The following CELF2 variants were observed in gnomAD, a reference collection of about 807,000 sequenced individuals.
CELF2 encodes CUG triplet repeat RNA-binding protein 2.
In CELF2, 8 loss-of-function variants were observed where a neutral mutation model predicts 62.6. That is an observed-to-expected ratio of 0.13 (90% CI 0.07 to 0.23). CELF2 has a LOEUF of 0.23. CELF2 is among the 10% of genes least tolerant of loss of function. The pLI is 1.00. For missense variants in CELF2, 333 were observed against 671.0 expected, an observed-to-expected ratio of 0.50 and a Z score of 5.56; for synonymous variants, 258 against 250.0, an observed-to-expected ratio of 1.03 and a Z score of -0.30.
the CELF2 span, among the ~76,000 whole-genome samples, chr10:10,582,240 G>C: frequency 6.6e-6 from 1 of 152,218 alleles, no homozygotes; most frequent in Middle Eastern, 3.4e-3. Flanking sequence ...ACTAGTTTAT[G>C]TCAGTATTTT....
At chr10:10,467,177 T>A in the CELF2 span, among the ~76,000 whole-genome samples, 8 of 152,052 alleles carry the variant, frequency 5.3e-5, no homozygotes, top group African/African-American at 7.2e-5. Context: ...ATGCTAAGAT[T>A]TTTCTCCTAA....
chr10:10,634,681 A>T, the CELF2 span, among the ~76,000 whole-genome samples: 449 of 74,378 alleles, frequency 6.0e-3, 2 homozygotes, highest in African/African-American at 0.02. Context: ...TTTTTTTTTT[A>T]AATGGAGTCT....
chr10:10,796,806 G>C (rs538250812), upstream of CELF2: 1 of 747,082 alleles, frequency 1.3e-6, no homozygotes, highest in East Asian at 1.3e-4. Context: ...TTATGTAAAT[G>C]TTTGCACATG....
At chr10:10,678,342 C>T in the CELF2 span, among the ~76,000 whole-genome samples, 1 of 152,048 alleles carries the variant, frequency 6.6e-6, no homozygotes, top group Non-Finnish European at 1.5e-5. Context: ...AGGCAGTAAT[C>T]AGATTTGTCA....
chr10:11,119,392 G>A (rs1296111201), intron 1 of CELF2, among the ~76,000 whole-genome samples: 1 of 152,052 alleles, frequency 6.6e-6, no homozygotes, highest in Non-Finnish European at 1.5e-5. Flanking sequence ...GGAGTGCCCT[G>A]GGATTCAGGA....
the CELF2 span, among the ~76,000 whole-genome samples, chr10:10,659,318 C>T: frequency 2.0e-5 from 3 of 152,228 alleles, no homozygotes; most frequent in Admixed American, 2.0e-4. Flanking sequence ...ATTGTTTGCT[C>T]TTTAATAAAA....
At chr10:11,018,237 G>A in intron 1 of CELF2, 74 bp downstream of exon 1, 1 of 1,318,774 alleles carries the variant, frequency 7.6e-7, no homozygotes. Flanking sequence ...AAGGGGACGG[G>A]CGTCGCCCGC....
chr10:11,063,312 T>C (rs1250762108), intron 1 of CELF2, among the ~76,000 whole-genome samples: 3 of 152,226 alleles, frequency 2.0e-5, no homozygotes, highest in African/African-American at 4.8e-5. Flanking sequence ...CCATTTGATA[T>C]CTGAAGTGAT....
At chr10:11,284,681 T>G (rs2090550166) in intron 8 of CELF2, among the ~76,000 whole-genome samples, 1 of 148,900 alleles carries the variant, frequency 6.7e-6, no homozygotes, top group Non-Finnish European at 1.5e-5. Flanking sequence ...TGTGAGTGTG[T>G]GGATGATGGA....
At chr10:10,659,207 TAAAG>T in the CELF2 span, among the ~76,000 whole-genome samples, 3 of 152,182 alleles carry the variant, frequency 2.0e-5, no homozygotes, top group Admixed American at 1.3e-4. Flanking sequence ...CTCAATTTCA[TAAAG>T]AAACAGGAGC....
At position 11,117,556 on chromosome 10, in the gene CELF2, G is replaced by C. The variant is rs115909031; in HGVS notation, c.75-47930G>C. Among the ~76,000 whole-genome samples, 1,774 of 152,138 alleles carry C rather than the reference G, an allele frequency of 0.012. 41 individuals carry two copies. Among genetic ancestry groups the C allele is most frequent in the African/African-American group, 0.04 (1,676 of 41,474 alleles). On this transcript the variant is annotated intron_variant, in intron 1 of 12. Coordinates refer to ENST00000633077, the MANE Select transcript of CELF2 (RefSeq NM_001326342.2). This position sits in a 1 kb window ranked among gnomAD's most constrained non-coding sequence, Gnocchi z 4.1. ...TGAGGTGTTGTTATACAGCCTCTTA[G>C]GGGTTTTTATGTCTGACTCCATAAT...
At chr10:10,515,742 G>C in the CELF2 span, among the ~76,000 whole-genome samples, 1 of 152,144 alleles carries the variant, frequency 6.6e-6, no homozygotes, top group Non-Finnish European at 1.5e-5. Context: ...CTCCTGTATC[G>C]CCATTTAGTA....
At chr10:10,779,108 C>A in the CELF2 span, among the ~76,000 whole-genome samples, 1 of 152,212 alleles carries the variant, frequency 6.6e-6, no homozygotes, top group African/African-American at 2.4e-5. Flanking sequence ...TTCACCCTTT[C>A]CCGCCTCCTT....
At chr10:10,554,213 T>G in the CELF2 span, among the ~76,000 whole-genome samples, 1 of 152,178 alleles carries the variant, frequency 6.6e-6, no homozygotes, top group South Asian at 2.1e-4. Flanking sequence ...ATTCATGAAT[T>G]CCATTATCCT....
chr10:10,504,611 C>CT, the CELF2 span, among the ~76,000 whole-genome samples: 2 of 152,010 alleles, frequency 1.3e-5, no homozygotes, highest in East Asian at 1.9e-4. Context: ...TCTTTGAGTA[C>CT]TTTTTTACCA....
chr10:10,574,182 A>T, the CELF2 span, among the ~76,000 whole-genome samples: 1 of 152,206 alleles, frequency 6.6e-6, no homozygotes, highest in Non-Finnish European at 1.5e-5. Context: ...TAAAGATTAG[A>T]TGGTAAAGAA....
rs2093868018 is a variant in CELF2 at position 11,302,581 on chromosome 10, G to A, written c.977-11558G>A. Among the ~76,000 whole-genome samples, 1 of 152,166 alleles carries A rather than the reference G, an allele frequency of 6.6e-6. No individual in the cohort carries two copies. The highest frequency in any genetic ancestry group is 6.5e-5 in the Admixed American group (1 of 15,282). ...GAGCATCCGCAGCCCAGGGCCCTGG[G>A]CCAAAGGGACTTGACACCACACAAC... On this transcript the variant is annotated intron_variant, in intron 9 of 12. Transcript: ENST00000633077. The surrounding 1 kb of genome is among the most constrained non-coding windows in gnomAD (Gnocchi z 5.0).
intron 1 of CELF2, among the ~76,000 whole-genome samples, chr10:10,863,779 A>G (rs1157013322): frequency 1.3e-5 from 2 of 152,178 alleles, no homozygotes; most frequent in Non-Finnish European, 2.9e-5. Flanking sequence ...GCCACTTCTT[A>G]TAAATGCCTG....
chr10:10,924,736 T>TTTTTTTC (rs2065293705), intron 2 of CELF2, among the ~76,000 whole-genome samples: 1 of 148,144 alleles, frequency 6.8e-6, no homozygotes, highest in Non-Finnish European at 1.5e-5. Flanking sequence ...TTTTTTTTTT[T>TTTTTTTC]TTTTTTGCCT....
Sources: gnomAD v4.1 joint callset for allele counts (sites outside exome capture counted in the v4.1 genomes callset) on GRCh38, gnomAD v4.1.1 for gene constraint, Gnocchi (gnomAD v3.1) non-coding constraint, MANE v1.5 for transcripts, NCBI Gene and HGNC (gene_info 2026-07-23, HGNC 2026-07-21) for gene names.